RBMS3: variants seen among roughly 807,000 people sequenced by gnomAD.
RBMS3 encodes the protein RNA-binding motif, single-stranded-interacting protein 3.
In RBMS3, 27 loss-of-function variants were observed where a neutral mutation model predicts 66.8. The ratio of observed to expected loss-of-function variants is 0.40; its 90% CI spans 0.30 to 0.56. The LOEUF is 0.56. Ranked by LOEUF, RBMS3 falls within the 20% of genes least tolerant of loss-of-function variation. The probability of loss-of-function intolerance (pLI) is 0.40; values close to 1 mark genes in which losing one functional copy is unlikely to be tolerated. For missense variants in RBMS3, 513 were observed against 549.5 expected, an observed-to-expected ratio of 0.93 and a Z score of 0.66; for synonymous variants, 188 against 183.0, an observed-to-expected ratio of 1.03 and a Z score of -0.22.
chr3:29,784,012 A>G (rs1205067631), intron 6 of RBMS3, among the ~76,000 whole-genome samples: 4 of 152,126 alleles, frequency 2.6e-5, no homozygotes, highest in Non-Finnish European at 5.9e-5. Context: ...TTTTAAATGT[A>G]TATGTACCTA....
intron 2 of RBMS3, among the ~76,000 whole-genome samples, chr3:29,456,395 G>A (rs961487233): frequency 2.0e-5 from 3 of 152,036 alleles, no homozygotes; most frequent in African/African-American, 7.2e-5. Context: ...GGCACATCAC[G>A]AGCACAAATA....
intron 12 of RBMS3, among the ~76,000 whole-genome samples, chr3:29,986,478 A>G (rs573693288): frequency 2.0e-5 from 3 of 152,352 alleles, no homozygotes; most frequent in South Asian, 4.1e-4. Flanking sequence ...GCTGAAATAC[A>G]TTGGAACACA....
chr3:29,833,560 G>A (rs1170397086), intron 6 of RBMS3, among the ~76,000 whole-genome samples: 1 of 152,102 alleles, frequency 6.6e-6, no homozygotes, highest in African/African-American at 2.4e-5. Flanking sequence ...GCAATAGAGT[G>A]TCATCAGCTG....
At chr3:29,713,564 C>G (rs1291430244) in intron 4 of RBMS3, among the ~76,000 whole-genome samples, 1 of 152,120 alleles carries the variant, frequency 6.6e-6, no homozygotes, top group South Asian at 2.1e-4. Context: ...TTTATACATG[C>G]ACTGATTTAG....
In RBMS3 at chr3:30,008,266, T is replaced by C. The variant is rs1394755991; in HGVS notation, c.*4404T>C. Reference sequence around the variant, plus strand: ...AGACATTATGATGTTAATAGGAGATTAAAATACATTTGGCAATTCATTTTC... The same window carrying C: ...AGACATTATGATGTTAATAGGAGATCAAAATACATTTGGCAATTCATTTTC... On this transcript the variant is annotated 3_prime_UTR_variant, in exon 15 of 15. Transcript: ENST00000383767. 1 of 152,094 alleles carries C rather than the reference T, an allele frequency of 6.6e-6. No homozygotes were observed. The highest frequency in any genetic ancestry group is 1.5e-5 in the Non-Finnish European group (1 of 67,984). The allele number at this position is 152,094 out of a possible 1,614,324, so 9.4% of individuals were successfully genotyped here.
In RBMS3 at chr3:30,004,000, T is replaced by C. The variant is rs189241430; in HGVS notation, c.*138T>C. On this transcript the variant is annotated 3_prime_UTR_variant, in exon 15 of 15. Coordinates refer to ENST00000383767, the MANE Select transcript of RBMS3 (RefSeq NM_001003793.3). ...TGTTGTTGTTTTTTTTTTAGTGTTA[T>C]ACCTTACCCAATGAAAGCAAAGTTT... 1.4e-4 allele frequency: 88 copies of C among 639,120 alleles called. 2 individuals carry two copies. The East Asian group carries it at 2.6e-3, about 19-fold the overall frequency. 39.6% of individuals were successfully genotyped at this position (639,120 alleles called of 1,614,324 possible).
chr3:29,593,317 T>G (rs2047823072), intron 4 of RBMS3, among the ~76,000 whole-genome samples: 1 of 152,102 alleles, frequency 6.6e-6, no homozygotes, highest in African/African-American at 2.4e-5. Context: ...TAGTATAAGA[T>G]CGTATTAGTA....
chr3:29,706,634 C>T (rs1236388118), intron 4 of RBMS3, among the ~76,000 whole-genome samples: 10 of 152,184 alleles, frequency 6.6e-5, no homozygotes, highest in Admixed American at 2.0e-4. Flanking sequence ...GGGAGAACAA[C>T]GAATGACATC....
intron 1 of RBMS3, among the ~76,000 whole-genome samples, chr3:29,386,698 C>T (rs1027212360): frequency 6.6e-6 from 1 of 152,176 alleles, no homozygotes; most frequent in Admixed American, 6.5e-5. Context: ...GCTCTTGGCT[C>T]CATTTCATTT....
rs551717217 is a variant in RBMS3, at chr3:29,425,395, A to C, written c.76-9348A>C. On this transcript the variant is annotated intron_variant, in intron 1 of 14. Coordinates refer to ENST00000383767, the MANE Select transcript of RBMS3 (RefSeq NM_001003793.3). ...TCTCAAAAAAAGCTAGGGGAATTTT[A>C]ATTGTTGGCAATATTACTAATTGTA... is the stretch of plus-strand genomic sequence containing the variant. Among the ~76,000 whole-genome samples the C allele has an allele frequency of 2.2e-3, 335 of 151,698 alleles. 3 individuals are homozygous for C. The highest frequency in any genetic ancestry group is 7.9e-3 in the African/African-American group (325 of 41,370).
chr3:29,557,261 G>A (rs562818450), intron 3 of RBMS3, among the ~76,000 whole-genome samples: 1 of 152,226 alleles, frequency 6.6e-6, no homozygotes, highest in East Asian at 1.9e-4. Context: ...TAACAAAACA[G>A]AACATTCCCA....
intron 10 of RBMS3, among the ~76,000 whole-genome samples, chr3:29,924,482 A>T (rs1338014641): frequency 2.0e-5 from 3 of 152,090 alleles, no homozygotes; most frequent in Admixed American, 2.0e-4. Flanking sequence ...AAATTTCTAC[A>T]TCCATGAATG....
chr3:29,472,338 G>GGCGCCCGCCATC (rs1575922630), intron 2 of RBMS3, among the ~76,000 whole-genome samples: 1 of 151,966 alleles, frequency 6.6e-6, no homozygotes, highest in East Asian at 1.9e-4. Context: ...TAGGATTACA[G>GGCGCCCGCCATC]GCGCCCGCCA....
At chr3:29,528,787 G>T (rs2045236235) in intron 3 of RBMS3, among the ~76,000 whole-genome samples, 2 of 152,204 alleles carry the variant, frequency 1.3e-5, no homozygotes, top group Admixed American at 1.3e-4. Context: ...AGGCTGGAGT[G>T]CAATGGCGTG....
At chr3:29,353,691 C>T (rs569486271) in intron 1 of RBMS3, among the ~76,000 whole-genome samples, 4 of 151,982 alleles carry the variant, frequency 2.6e-5, no homozygotes, top group Non-Finnish European at 5.9e-5. Context: ...ACAACTTAAG[C>T]AACCAAAAAC....
At chr3:29,431,357 A>G (rs1020917756) in intron 1 of RBMS3, among the ~76,000 whole-genome samples, 25 of 141,974 alleles carry the variant, frequency 1.8e-4, no homozygotes, top group African/African-American at 6.2e-4. Flanking sequence ...CAGTGGCGCA[A>G]TCTCGGCTCA....
intron 6 of RBMS3, among the ~76,000 whole-genome samples, chr3:29,826,444 C>T (rs1419997365): frequency 6.6e-6 from 1 of 152,094 alleles, no homozygotes. Flanking sequence ...GGATCTCTCC[C>T]TAATTTAACG....
At chr3:29,791,770 T>G (rs1456087002) in intron 6 of RBMS3, among the ~76,000 whole-genome samples, 1 of 152,176 alleles carries the variant, frequency 6.6e-6, no homozygotes, top group African/African-American at 2.4e-5. Flanking sequence ...TGTGTATATC[T>G]CAGTAGAGAT....
At chr3:29,839,866 CA>C (rs997135588) in intron 6 of RBMS3, among the ~76,000 whole-genome samples, 1 of 151,678 alleles carries the variant, frequency 6.6e-6, no homozygotes, top group Non-Finnish European at 1.5e-5. Context: ...ACACGAAATA[CA>C]AAAAAATTGC....
Sources: gnomAD v4.1 joint callset for allele counts (sites outside exome capture counted in the v4.1 genomes callset) on GRCh38, gnomAD v4.1.1 for gene constraint, MANE v1.5 for transcripts, NCBI Gene and HGNC (gene_info 2026-07-23, HGNC 2026-07-21) for gene names.